The following TBCD variants were observed in gnomAD, a reference collection of about 807,000 sequenced individuals.
The protein encoded by TBCD is tubulin-specific chaperone D.
TBCD carries 105 observed loss-of-function variants against 169.3 expected under a neutral mutation model. The observed-to-expected ratio is 0.62, with a 90% CI of 0.53 to 0.73. TBCD has a LOEUF of 0.73. Ranked by LOEUF, TBCD falls within the 30% of genes least tolerant of loss-of-function variation. TBCD has a pLI of 0.00. For missense variants in TBCD, 1,444 were observed against 1,600.1 expected (o/e 0.90, Z 1.66); for synonymous variants, 700 against 643.9 (o/e 1.09, Z -1.32).
chr17:82,845,800 G>A (rs962972562), intron 13 of TBCD, among the ~76,000 whole-genome samples: 2 of 152,240 alleles, frequency 1.3e-5, no homozygotes, highest in African/African-American at 4.8e-5. Context: ...AGGGACTTGT[G>A]AGCATCTCTC....
At chr17:82,897,831 C>T (rs555773894) in intron 17 of TBCD, among the ~76,000 whole-genome samples, 15 of 152,344 alleles carry the variant, frequency 9.8e-5, no homozygotes, top group South Asian at 6.2e-4. Context: ...ACTGTGTGGA[C>T]GCCCCACATT....
chr17:82,797,534 C>G (rs903184922), intron 7 of TBCD, among the ~76,000 whole-genome samples: 1 of 152,118 alleles, frequency 6.6e-6, no homozygotes, highest in African/African-American at 2.4e-5. Flanking sequence ...GGGGACTGGA[C>G]TTATCATTGC....
intron 14 of TBCD, among the ~76,000 whole-genome samples, chr17:82,878,469 ACT>A (rs2058118228): frequency 6.6e-6 from 1 of 152,052 alleles, no homozygotes; most frequent in Non-Finnish European, 1.5e-5. Flanking sequence ...TCCAGAGACG[ACT>A]GGCCAGATGT....
At chr17:82,895,408 C>G (rs754730286) in intron 17 of TBCD, among the ~76,000 whole-genome samples, 3 of 152,204 alleles carry the variant, frequency 2.0e-5, no homozygotes, top group Non-Finnish European at 4.4e-5. Flanking sequence ...CTGAGCACAG[C>G]CCATCAGGGA....
rs542656555 is a variant in TBCD, at chr17:82,838,865, G to A, written c.1318+23931G>A. 20 of 985,408 alleles carry A rather than the reference G, an allele frequency of 2.0e-5. 1 individual carries two copies. In the South Asian group the frequency reaches 3.8e-4, roughly 19 times the overall value. The allele number at this position is 985,408 out of a possible 1,614,324, so 61.0% of individuals were successfully genotyped here. On this transcript the variant is annotated intron_variant, in intron 13 of 38. Transcript: ENST00000355528. ...AACAAACGCTCACCACTTTACAGTC[G>A]CCGCCTCATCCTGAAACTCCGGTCA...
chr17:82,863,502 A>G (rs2056940147), intron 13 of TBCD, among the ~76,000 whole-genome samples: 1 of 152,212 alleles, frequency 6.6e-6, no homozygotes, highest in African/African-American at 2.4e-5. Context: ...ATGGGAGAGA[A>G]GCACTCACTC....
chr17:82,856,859 C>T lies in TBCD; in HGVS notation c.1319-13365C>T, dbSNP rs568637293. Among the ~76,000 whole-genome samples, 25 of 140,830 alleles carry T rather than the reference C, an allele frequency of 1.8e-4. 1 individual carries two copies. Among genetic ancestry groups the T allele is most frequent in the African/African-American group, 7.0e-4 (25 of 35,676 alleles). 92.4% of individuals were successfully genotyped at this position (140,830 alleles called of 152,430 possible). On this transcript the variant is annotated intron_variant, in intron 13 of 38. Transcript: ENST00000355528. ...CCTCGGTGCGCATCCAGGGCGGGAT[C>T]GCTGGACCGCGTGCGGACCCTCGCT...
At chr17:82,879,059 C>CTTTTT (rs58480407) in intron 14 of TBCD, among the ~76,000 whole-genome samples, 32 of 113,950 alleles carry the variant, frequency 2.8e-4, no homozygotes, top group Non-Finnish European at 3.4e-4. Context: ...AGATCCTGTT[C>CTTTTT]TTTTTTTTTT....
At chr17:82,933,292 T>TG (rs377563693) in intron 34 of TBCD, among the ~76,000 whole-genome samples, 1 of 150,220 alleles carries the variant, frequency 6.7e-6, no homozygotes, top group African/African-American at 2.5e-5. Context: ...TTTTTTTTTT[T>TG]GAGACAGGGT....
chr17:82,868,911 G>A (rs530901345), intron 13 of TBCD, among the ~76,000 whole-genome samples: 14 of 152,274 alleles, frequency 9.2e-5, no homozygotes, highest in African/African-American at 3.1e-4. Flanking sequence ...GGAGCGGGTC[G>A]TGTGCAGAGC....
At chr17:82,891,874 G>A (rs951801945) in intron 16 of TBCD, among the ~76,000 whole-genome samples, 4 of 152,156 alleles carry the variant, frequency 2.6e-5, no homozygotes, top group African/African-American at 9.7e-5. Context: ...ACTGAGCCCA[G>A]GGGCTCTTGA....
chr17:82,785,730 G>A (rs1445737655), intron 7 of TBCD, among the ~76,000 whole-genome samples: 2 of 132,650 alleles, frequency 1.5e-5, no homozygotes, highest in African/African-American at 6.1e-5. Context: ...ACTGGATCCC[G>A]TCCATCGCAG....
chr17:82,850,266 T>TTGGCTGTGCTCTTCTGC (rs2055640938), intron 13 of TBCD, among the ~76,000 whole-genome samples: 2 of 119,040 alleles, frequency 1.7e-5, no homozygotes, highest in African/African-American at 6.8e-5. Context: ...GGCTGTGTTG[T>TTGGCTGTGCTCTTCTGC]TGTTGGCTGT....
At chr17:82,799,412 T>C (rs112205657) in intron 8 of TBCD, among the ~76,000 whole-genome samples, 3 of 116,210 alleles carry the variant, frequency 2.6e-5, no homozygotes, top group African/African-American at 1.0e-4. Context: ...CACAGCACTC[T>C]AGCCTGGCGA....
At chr17:82,808,591 T>G (rs1270899196) in intron 11 of TBCD, among the ~76,000 whole-genome samples, 3 of 67,516 alleles carry the variant, frequency 4.4e-5, no homozygotes, top group African/African-American at 1.2e-4. Context: ...GTGGAGGGGA[T>G]GAGGCAGGTC....
In TBCD at chr17:82,805,857, A is replaced by T. The variant is rs1225181346; in HGVS notation, c.951-18A>T. On this transcript the variant is annotated intron_variant, in intron 9 of 38. Transcript: ENST00000355528. Reference sequence around the variant, plus strand: ...TGTGAGCTACAAAGCTGATCTGAGGATGCTTTGCTTTGCACAGGTACCAGC... The same window carrying T: ...TGTGAGCTACAAAGCTGATCTGAGGTTGCTTTGCTTTGCACAGGTACCAGC... 7.5e-6 allele frequency: 12 copies of T among 1,592,614 alleles called. No homozygotes were observed. The highest frequency in any genetic ancestry group is 1.3e-5 in the African/African-American group (1 of 74,584).
intron 13 of TBCD, among the ~76,000 whole-genome samples, chr17:82,867,974 G>C (rs1202134342): frequency 4.6e-5 from 7 of 152,168 alleles, no homozygotes; most frequent in Non-Finnish European, 1.0e-4. Context: ...GCGGGAGGGA[G>C]TCATGGCCGA....
In TBCD at chr17:82,782,804, G is replaced by T. The variant is rs374749597; in HGVS notation, c.771+1083G>T. Among the ~76,000 whole-genome samples the T allele has an allele frequency of 3.6e-4, 52 of 146,030 alleles. No homozygotes were observed. In the East Asian group the frequency reaches 9.3e-3, roughly 26 times the overall value. ...GTCTTCCTGTCTGTGGCGTCGTCCT[G>T]TCTGCGGTGGCGTCGTCCTGTCTGC... On this transcript the variant is annotated intron_variant, in intron 7 of 38. Transcript: ENST00000355528. This position sits in a 1 kb window ranked among gnomAD's most constrained non-coding sequence, Gnocchi z 5.1.
At chr17:82,828,941 C>A (rs563741412) in intron 13 of TBCD, among the ~76,000 whole-genome samples, 1 of 146,782 alleles carries the variant, frequency 6.8e-6, no homozygotes, top group Non-Finnish European at 1.5e-5. Context: ...AGTGTGCATG[C>A]CCCCCACGGA....
Sources: allele counts gnomAD v4.1 joint callset (sites outside exome capture counted in the v4.1 genomes callset), GRCh38; gene constraint gnomAD v4.1.1; non-coding constraint Gnocchi (gnomAD v3.1); transcripts MANE v1.5; gene names NCBI Gene and HGNC (gene_info 2026-07-23, HGNC 2026-07-21).